The following NLGN4X variants were observed in gnomAD, a reference collection of about 807,000 sequenced individuals.
NLGN4X encodes the protein neuroligin-4, X-linked.
In NLGN4X, 3 loss-of-function variants were observed where a neutral mutation model predicts 40.3. The observed-to-expected ratio is 0.07, with a 90% CI of 0.03 to 0.19. The LOEUF is 0.19. Ranked by LOEUF, NLGN4X falls within the 10% of genes least tolerant of loss-of-function variation. The pLI is 1.00. For synonymous variants in NLGN4X, 270 were observed against 306.8 expected (o/e 0.88, Z 1.25); for missense variants, 382 against 708.3 (o/e 0.54, Z 5.23).
At chrX:5,929,922 A>T (rs1292880804) in intron 3 of NLGN4X, among the ~76,000 whole-genome samples, 8 of 112,195 alleles carry the variant, frequency 7.1e-5, no homozygotes, top group African/African-American at 2.6e-4. Flanking sequence ...TTATTATCTA[A>T]TGGGAAAAAA....
chrX:5,956,454 C>T (rs2034497355), intron 3 of NLGN4X, among the ~76,000 whole-genome samples: 1 of 111,181 alleles, frequency 9.0e-6, no homozygotes, highest in South Asian at 3.7e-4. Flanking sequence ...ATAAGTTATG[C>T]ACTGGGTAGA....
chrX:5,892,653 G>T lies in NLGN4X; in HGVS notation c.*164C>A. 1.6e-6 allele frequency: 1 copy of T among 644,824 alleles called. No homozygotes were observed. The highest frequency in any genetic ancestry group is 2.4e-6 in the Non-Finnish European group (1 of 419,519). The allele number at this position is 644,824 out of a possible 1,213,427, so 53.1% of individuals were successfully genotyped here. On this transcript the variant is annotated 3_prime_UTR_variant, in exon 6 of 6. Transcript: ENST00000381095. ...AAACACCAACGATAAGGGTCTGCCG[G>T]GATGGGATGACTGCCTTTTTGCATT...
At chrX:6,003,762 T>G (rs67281336) in intron 3 of NLGN4X, among the ~76,000 whole-genome samples, 4 of 111,682 alleles carry the variant, frequency 3.6e-5, no homozygotes, top group African/African-American at 1.3e-4. Context: ...GGCTGTCACA[T>G]TGACCCTCCA....
At chrX:6,143,567 T>C (rs771717106) in intron 2 of NLGN4X, among the ~76,000 whole-genome samples, 10 of 112,841 alleles carry the variant, frequency 8.9e-5, no homozygotes, top group Admixed American at 1.9e-4. Context: ...AAATCTGTTA[T>C]AGCTTCCTGA....
chrX:5,979,652 A>G (rs1025783220), intron 3 of NLGN4X, among the ~76,000 whole-genome samples: 1 of 109,274 alleles, frequency 9.2e-6, no homozygotes, highest in African/African-American at 3.3e-5. Context: ...TTCCTAGGTG[A>G]ACTGCCTGTT....
chrX:6,162,964 TG>T (rs1337909527), intron 1 of NLGN4X, among the ~76,000 whole-genome samples: 1 of 111,897 alleles, frequency 8.9e-6, no homozygotes, highest in African/African-American at 3.3e-5. Flanking sequence ...AGGGACCCTG[TG>T]GGAGATAACT....
intron 2 of NLGN4X, among the ~76,000 whole-genome samples, chrX:6,143,345 G>A (rs2039985567): frequency 8.9e-6 from 1 of 112,294 alleles, no homozygotes; most frequent in Non-Finnish European, 1.9e-5. Flanking sequence ...GCTTGAAAAG[G>A]TCAGAGAATC....
intron 3 of NLGN4X, among the ~76,000 whole-genome samples, chrX:5,984,532 A>G (rs2035476038): frequency 8.9e-6 from 1 of 111,850 alleles, no homozygotes; most frequent in Non-Finnish European, 1.9e-5. Context: ...AAGGTCATCA[A>G]GGAATTCCAA....
chrX:5,906,778 T>A (rs1466081039), intron 4 of NLGN4X, among the ~76,000 whole-genome samples: 2 of 111,654 alleles, frequency 1.8e-5, no homozygotes, highest in Non-Finnish European at 3.8e-5. Context: ...CCTCCCAAAG[T>A]GCTGGGATAA....
At chrX:5,978,314 TTCTTTC>T (rs1249114808) in intron 3 of NLGN4X, among the ~76,000 whole-genome samples, 1 of 94,500 alleles carries the variant, frequency 1.1e-5, no homozygotes, top group Non-Finnish European at 2.0e-5. Context: ...CTTTCTTTCT[TTCTTTC>T]TTTCTTTCTT....
chrX:6,186,446 G>A (rs913659525), intron 1 of NLGN4X, among the ~76,000 whole-genome samples: 2 of 112,302 alleles, frequency 1.8e-5, no homozygotes, highest in Non-Finnish European at 3.8e-5. Flanking sequence ...ATTAGCTTAT[G>A]TATAATAACT....
intron 2 of NLGN4X, among the ~76,000 whole-genome samples, chrX:6,118,432 T>C (rs951961625): frequency 3.6e-5 from 4 of 111,857 alleles, no homozygotes; most frequent in Non-Finnish European, 7.5e-5. Context: ...TGTCAGCACA[T>C]GGCAACGCAA....
At chrX:6,000,504 T>G (rs1455865194) in intron 3 of NLGN4X, among the ~76,000 whole-genome samples, 1 of 111,104 alleles carries the variant, frequency 9.0e-6, no homozygotes, top group Non-Finnish European at 1.9e-5. Context: ...CCCTAAGCCC[T>G]GGCAATGCTG....
At chrX:6,000,613 C>A (rs776237899) in intron 3 of NLGN4X, among the ~76,000 whole-genome samples, 1 of 111,560 alleles carries the variant, frequency 9.0e-6, no homozygotes, top group African/African-American at 3.3e-5. Flanking sequence ...TGCCTCCAGT[C>A]TCTTTGGTAA....
chrX:6,107,487 A>G (rs1029095452), intron 2 of NLGN4X, among the ~76,000 whole-genome samples: 2 of 111,574 alleles, frequency 1.8e-5, no homozygotes, highest in Non-Finnish European at 3.8e-5. Flanking sequence ...TTTTCAGACA[A>G]CCTCACTGGG....
chrX:6,199,180 T>C (rs1237615368), intron 1 of NLGN4X, among the ~76,000 whole-genome samples: 1 of 111,841 alleles, frequency 8.9e-6, no homozygotes, highest in Non-Finnish European at 1.9e-5. Flanking sequence ...TAAATGACCT[T>C]GATTTGTACC....
chrX:6,225,296 A>G (rs980775313), intron 1 of NLGN4X, among the ~76,000 whole-genome samples: 1 of 108,132 alleles, frequency 9.2e-6, no homozygotes, highest in Non-Finnish European at 1.9e-5. Flanking sequence ...AGGAAAATCT[A>G]TGCTGAGGAT....
At chrX:5,894,975 G>A (rs2031408671) in intron 5 of NLGN4X, among the ~76,000 whole-genome samples, 1 of 112,092 alleles carries the variant, frequency 8.9e-6, no homozygotes, top group Admixed American at 9.5e-5. Flanking sequence ...CTTCTCCTTG[G>A]CGGGACTTCT....
intron 3 of NLGN4X, among the ~76,000 whole-genome samples, chrX:5,946,947 C>T (rs185014460): frequency 9.0e-6 from 1 of 111,432 alleles, no homozygotes; most frequent in African/African-American, 3.3e-5. Context: ...TCTCTGTTAC[C>T]GACATAGTTG....
Sources: gnomAD v4.1 joint callset for allele counts (sites outside exome capture counted in the v4.1 genomes callset) on GRCh38, gnomAD v4.1.1 for gene constraint, MANE v1.5 for transcripts, NCBI Gene and HGNC (gene_info 2026-07-23, HGNC 2026-07-21) for gene names.